CCT2: variants seen among roughly 807,000 people sequenced by gnomAD.
CCT2 encodes T-complex protein 1 subunit beta.
Under a neutral mutation model 61.8 loss-of-function variants are expected in CCT2, and 18 were observed. The ratio of observed to expected loss-of-function variants is 0.29; its 90% confidence interval spans 0.20 to 0.43. CCT2 has a LOEUF of 0.43. Among genes scored for constraint, CCT2 ranks in the 20% least tolerant of loss-of-function variants. The pLI is 1.00. For synonymous variants in CCT2, 248 were observed against 215.9 expected (o/e 1.15, Z -1.30); for missense variants, 556 against 656.9 (o/e 0.85, Z 1.68).
intron 15 of CCT2, 62 bp from the exon 16 acceptor site, chr12:69,601,233 A>G (rs565873692): frequency 1.5e-6 from 2 of 1,324,312 alleles, no homozygotes; most frequent in East Asian, 2.3e-5. Flanking sequence ...TATTTAGTAT[A>G]ATACTTTGGA....
Position 69,586,359 on chromosome 12 carries a change from A to C in CCT2, c.78+15A>C. 1 of 1,592,770 alleles carries C rather than the reference A, an allele frequency of 6.3e-7. No homozygotes were observed. On this transcript the variant is annotated intron_variant, in intron 2 of 15. Coordinates refer to ENST00000299300, the MANE Select transcript of CCT2 (RefSeq NM_006431.3). ...CAGCTCGTCTGGTAAGCCTTGTTCT[A>C]AGCATTGTTTTAAAGATAAAACTGG...
At chr12:69,585,872 C>CAG (rs1881635223) in intron 1 of CCT2, 2 of 1,297,950 alleles carry the variant, frequency 1.5e-6, no homozygotes, top group Admixed American at 3.6e-5. Context: ...TCTGAGCCAT[C>CAG]AGAGGGTGGA....
In CCT2 at chr12:69,585,487, A is replaced by T. The variant is rs1881614561; in HGVS notation, c.-35A>T. 1 of 1,559,726 alleles carries T rather than the reference A, an allele frequency of 6.4e-7. No individual in the cohort carries two copies. Among genetic ancestry groups the T allele is most frequent in the African/African-American group, 1.4e-5 (1 of 73,682 alleles). On this transcript the variant is annotated 5_prime_UTR_variant, in exon 1 of 16. Transcript: ENST00000299300. ...CCGCTGGTCCCGAGCACGAGCTGTG[A>T]GGGGATTCACTTGTGTGCGGAACTC...
Position 69,586,311 on chromosome 12 carries a change from A to G in CCT2, c.45A>G (p.Gly15=). Reference sequence around the variant, plus strand: ...CACCTGTTAACATCTTTAAGGCAGGAGCTGATGAAGAGAGAGCAGAGACAG... The same window carrying G: ...CACCTGTTAACATCTTTAAGGCAGGGGCTGATGAAGAGAGAGCAGAGACAG... ...SLAPVNIFKA[G]ADEERAETAR... is the part of the protein sequence containing the mutation. The change falls in exon 2 of 16, where the codon GGA becomes GGG. Residue 15 remains glycine, a synonymous_variant. Transcript: ENST00000299300. 1 of 1,613,680 alleles carries G rather than the reference A, an allele frequency of 6.2e-7. No homozygotes were observed.
At position 69,587,490 on chromosome 12, in the gene CCT2, T is replaced by G; in HGVS notation, c.145-15T>G. The G allele has an allele frequency of 6.7e-7, 1 of 1,482,184 alleles. No homozygotes were observed. Among genetic ancestry groups the G allele is most frequent in the East Asian group, 2.3e-5 (1 of 44,230 alleles). 91.8% of individuals were successfully genotyped at this position (1,482,184 alleles called of 1,614,324 possible). On this transcript the variant is annotated splice_polypyrimidine_tract_variant and intron_variant, in intron 3 of 15. Coordinates refer to ENST00000299300, the MANE Select transcript of CCT2 (RefSeq NM_006431.3). ...GTGCTTATGTCTTAACTTGAACCAATTATGTTCCCTTTAGGACAAAATTCT... is the reference window on the plus strand; with the variant it reads ...GTGCTTATGTCTTAACTTGAACCAAGTATGTTCCCTTTAGGACAAAATTCT...
chr12:69,594,864 T>G (rs1173461323), intron 10 of CCT2, among the ~76,000 whole-genome samples: 1 of 143,242 alleles, frequency 7.0e-6, no homozygotes, highest in East Asian at 2.1e-4. Flanking sequence ...AAAAAAAAAA[T>G]GCAGCTTGTT....
At chr12:69,600,159 G>A (rs544537148) in intron 15 of CCT2, among the ~76,000 whole-genome samples, 155 bp downstream of exon 15, 128 of 152,300 alleles carry the variant, frequency 8.4e-4, no homozygotes, top group Admixed American at 1.8e-3. Flanking sequence ...TAACACTTAA[G>A]CCAGAAAAAC....
In CCT2 at chr12:69,586,817, T is replaced by C; in HGVS notation, c.143T>C (p.Met48Thr). 6.4e-7 allele frequency: 1 copy of C among 1,573,210 alleles called. No individual in the cohort carries two copies. ...LVKSTLGPKG[M>T]DKILLSSGRD... ...AAGAGCACCTTGGGACCCAAAGGCATGGTAAGAAAAATAGAAAAGTTTTAT... is the reference window on the plus strand; with the variant it reads ...AAGAGCACCTTGGGACCCAAAGGCACGGTAAGAAAAATAGAAAAGTTTTAT... The change falls in exon 3 of 16, where the codon ATG becomes ACG. Residue 48 changes from methionine to threonine, a missense_variant and splice_region_variant. Around this residue, in one of 3 missense-constraint regions of CCT2, gnomAD observed 308 missense variants for 350.6 expected, o/e 0.88. Coordinates refer to ENST00000299300, the MANE Select transcript of CCT2 (RefSeq NM_006431.3).
chr12:69,588,955 C>T (rs748691430), intron 6 of CCT2, among the ~76,000 whole-genome samples: 12 of 152,336 alleles, frequency 7.9e-5, no homozygotes, highest in Non-Finnish European at 1.0e-4. Context: ...GACGGAGTCT[C>T]GCTCTTAGAG....
chr12:69,587,069 C>T, intron 3 of CCT2: 4 of 396,754 alleles, frequency 1.0e-5, no homozygotes, highest in Non-Finnish European at 1.8e-5. Context: ...AGTATGTGTA[C>T]TTCATTATGT....
intron 10 of CCT2, among the ~76,000 whole-genome samples, chr12:69,596,494 G>C (rs1377120581): frequency 6.6e-6 from 1 of 152,156 alleles, no homozygotes; most frequent in Non-Finnish European, 1.5e-5. Flanking sequence ...GGAAGATGGA[G>C]GGAAAATAGG....
chr12:69,591,505 CTTGTG>C (rs1361238071), intron 7 of CCT2, among the ~76,000 whole-genome samples: 1 of 140,534 alleles, frequency 7.1e-6, no homozygotes, highest in Non-Finnish European at 1.5e-5. Context: ...CAATTTTTCT[CTTGTG>C]GTGGTGATTT....
At chr12:69,593,191 C>T (rs1881888014) in intron 9 of CCT2, 88 bp downstream of exon 9, 2 of 1,173,502 alleles carry the variant, frequency 1.7e-6, no homozygotes, top group East Asian at 4.9e-5. Context: ...GATTTTTTAC[C>T]TAGGAACTGT....
At chr12:69,600,147 C>G in intron 15 of CCT2, 143 bp downstream of exon 15, 1 of 796,776 alleles carries the variant, frequency 1.3e-6, no homozygotes, top group Non-Finnish European at 1.9e-6. Context: ...TATCACAACT[C>G]TTAACACTTA....
chr12:69,590,960 C>G (rs710776), intron 7 of CCT2, among the ~76,000 whole-genome samples: 7,734 of 151,578 alleles, frequency 0.051, 543 homozygotes, highest in East Asian at 0.37. Flanking sequence ...CTAAGGGGAT[C>G]CACCTGCCTC....
chr12:69,587,839 C>G (rs541090058), intron 4 of CCT2, 91 bp from the exon 5 acceptor site: 21 of 1,052,348 alleles, frequency 2.0e-5, no homozygotes, highest in Non-Finnish European at 2.8e-5. Flanking sequence ...GAATGAGGAA[C>G]CCTGGTAAGT....
At chr12:69,591,240 A>G (rs779111397) in intron 7 of CCT2, among the ~76,000 whole-genome samples, 44 of 152,306 alleles carry the variant, frequency 2.9e-4, no homozygotes, top group Non-Finnish European at 5.7e-4. Context: ...AAAAGTTTCT[A>G]ATGTAACCAA....
rs996621911 is a variant in CCT2, at chr12:69,587,567, T to C, written c.207T>C (p.Thr69=). Residue 69 remains threonine (T), a synonymous_variant, in exon 4 of 16, where the codon ACT becomes ACC. Transcript: ENST00000299300. ...ASLMVTNDGA[T]ILKNIGVDNP... ...TTATGGTAACCAATGATGGTGCCACTATTCTAAAAAACATTGGTGTTGACA... is the reference window on the plus strand; with the variant it reads ...TTATGGTAACCAATGATGGTGCCACCATTCTAAAAAACATTGGTGTTGACA... 4 of 1,613,782 alleles carry C rather than the reference T, an allele frequency of 2.5e-6. No homozygotes were observed. The highest frequency in any genetic ancestry group is 3.3e-5 in the Admixed American group (2 of 60,002).
intron 1 of CCT2, chr12:69,586,055 G>A: frequency 1.4e-6 from 2 of 1,390,742 alleles, no homozygotes; most frequent in Non-Finnish European, 1.9e-6. Flanking sequence ...TACTCCCGGG[G>A]GCCTTGTAAA....
Sources: allele counts gnomAD v4.1 joint callset (sites outside exome capture counted in the v4.1 genomes callset), GRCh38; gene constraint gnomAD v4.1.1; regional missense constraint gnomAD v4.1.1; transcripts MANE v1.5; gene names NCBI Gene and HGNC (gene_info 2026-07-23, HGNC 2026-07-21).